EIF4G3: variants seen among roughly 807,000 people sequenced by gnomAD.
EIF4G3 encodes the protein eukaryotic translation initiation factor 4 gamma 3, also known as eIF-4-gamma 3.
A neutral mutation model predicts 186.4 loss-of-function variants in EIF4G3; 34 were observed. The ratio of observed to expected loss-of-function variants is 0.18; its 90% CI spans 0.14 to 0.24. The LOEUF is 0.24. Ranked by LOEUF, EIF4G3 falls within the 10% of genes least tolerant of loss-of-function variation. The pLI, the probability that EIF4G3 is intolerant of heterozygous loss-of-function variation, is 1.00. For missense variants in EIF4G3, 1,536 were observed against 1,948.5 expected (o/e 0.79, Z 3.99); for synonymous variants, 673 against 679.5 (o/e 0.99, Z 0.15).
intron 2 of EIF4G3, among the ~76,000 whole-genome samples, chr1:21,137,815 CAAAAA>C (rs201685410): frequency 9.7e-6 from 1 of 103,180 alleles, no homozygotes; most frequent in Admixed American, 1.1e-4. Flanking sequence ...GACCCTGTCT[CAAAAA>C]AAAAAAAAAA....
At position 20,855,101 on chromosome 1, in the gene EIF4G3, T is replaced by C. The variant is rs12095860; in HGVS notation, c.3340-30A>G. The C allele has an allele frequency of 4.7e-3, 7,075 of 1,505,694 alleles. 225 individuals are homozygous for C. The African/African-American group carries it at 0.077, about 16-fold the overall frequency. The allele number at this position is 1,505,694 out of a possible 1,614,324, so 93.3% of individuals were successfully genotyped here. A position where few individuals can be genotyped will look rare whatever the true frequency, so the allele number is the denominator to read the frequency against. ...AACATAAGGGACCACAAGTCAATTA[T>C]AGGAAATATTCTAGAAGAATAGTTT... is the stretch of plus-strand genomic sequence containing the variant. On this transcript the variant is annotated intron_variant, in intron 25 of 36. Coordinates refer to ENST00000602326, the MANE Select transcript of EIF4G3 (RefSeq NM_001391906.1).
At chr1:20,961,433 T>G (rs1038070625) in intron 12 of EIF4G3, among the ~76,000 whole-genome samples, 2 of 152,196 alleles carry the variant, frequency 1.3e-5, no homozygotes, top group African/African-American at 4.8e-5. Context: ...GTACACAGTT[T>G]CAGTGTACCC....
intron 14 of EIF4G3, among the ~76,000 whole-genome samples, chr1:20,915,811 T>G (rs1380490343): frequency 6.6e-6 from 1 of 152,188 alleles, no homozygotes. Context: ...AACAAGACAA[T>G]GTTTACTTTT....
intron 29 of EIF4G3, 116 bp downstream of exon 29, chr1:20,849,299 A>G (rs1361129732): frequency 2.0e-6 from 1 of 504,102 alleles, no homozygotes; most frequent in African/African-American, 2.0e-5. Flanking sequence ...TAGGACTTGT[A>G]TTACTCAACC....
At chr1:21,047,603 G>C (rs1017155986) in intron 4 of EIF4G3, among the ~76,000 whole-genome samples, 2 of 152,084 alleles carry the variant, frequency 1.3e-5, no homozygotes, top group African/African-American at 4.8e-5. Flanking sequence ...CTATGAAGAG[G>C]GTACTCAAGC....
At chr1:20,845,787 C>T (rs1212799139) in intron 29 of EIF4G3, among the ~76,000 whole-genome samples, 1 of 152,066 alleles carries the variant, frequency 6.6e-6, no homozygotes, top group East Asian at 1.9e-4. Context: ...TATTTGGGCT[C>T]CTTTTTTTGG....
intron 33 of EIF4G3, among the ~76,000 whole-genome samples, chr1:20,823,460 C>T (rs66644272): frequency 0.028 from 4,250 of 152,174 alleles, 89 homozygotes; most frequent in Middle Eastern, 0.051. Flanking sequence ...TATCTCACTG[C>T]AGCCTTAAAC....
chr1:20,990,919 GT>G (rs2080954873), intron 7 of EIF4G3, among the ~76,000 whole-genome samples: 1 of 152,166 alleles, frequency 6.6e-6, no homozygotes, highest in African/African-American at 2.4e-5. Flanking sequence ...CAGTATATAG[GT>G]CAGCCTACTA....
At chr1:21,146,667 G>A (rs2097448547) in intron 2 of EIF4G3, among the ~76,000 whole-genome samples, 5 of 152,078 alleles carry the variant, frequency 3.3e-5, no homozygotes, top group Admixed American at 3.3e-4. Context: ...TGAGGAAGGA[G>A]AACCACTTGA....
At chr1:20,934,744 T>C (rs1181365961) in intron 14 of EIF4G3, among the ~76,000 whole-genome samples, 1 of 152,090 alleles carries the variant, frequency 6.6e-6, no homozygotes, top group Admixed American at 6.6e-5. Context: ...GTTATAGTAC[T>C]GATTCAAGGG....
intron 3 of EIF4G3, among the ~76,000 whole-genome samples, chr1:21,083,294 T>C (rs1189167797): frequency 1.3e-5 from 2 of 152,042 alleles, no homozygotes; most frequent in Non-Finnish European, 2.9e-5. Context: ...AACTTTTAGC[T>C]GCCTAAAAAC....
chr1:20,852,201 C>T (rs1435524006), intron 27 of EIF4G3, among the ~76,000 whole-genome samples: 2 of 152,054 alleles, frequency 1.3e-5, no homozygotes, highest in African/African-American at 2.4e-5. Flanking sequence ...AGGGTTTCTC[C>T]ATGTTGGTCA....
intron 4 of EIF4G3, among the ~76,000 whole-genome samples, chr1:21,040,685 CTG>C (rs1245622602): frequency 6.6e-6 from 1 of 152,186 alleles, no homozygotes; most frequent in Non-Finnish European, 1.5e-5. Flanking sequence ...GATAATTTAA[CTG>C]TGTTGTTATT....
intron 4 of EIF4G3, among the ~76,000 whole-genome samples, chr1:21,017,860 C>T (rs754709524): frequency 6.6e-6 from 1 of 151,910 alleles, no homozygotes; most frequent in Admixed American, 6.6e-5. Flanking sequence ...ATAAGGGACA[C>T]TAGATCTGTA....
chr1:20,936,578 A>C (rs915596097), intron 14 of EIF4G3, among the ~76,000 whole-genome samples: 3 of 152,238 alleles, frequency 2.0e-5, no homozygotes, highest in African/African-American at 7.2e-5. Context: ...ATTTTAGAAT[A>C]TGTAAGTTGA....
chr1:21,000,765 C>G (rs996338711), intron 6 of EIF4G3, among the ~76,000 whole-genome samples: 67 of 152,074 alleles, frequency 4.4e-4, no homozygotes, highest in African/African-American at 1.5e-3. Context: ...GTAATGGTCA[C>G]TAGCAGAGCA....
intron 10 of EIF4G3, among the ~76,000 whole-genome samples, chr1:20,974,053 C>T (rs1269787356): frequency 6.6e-6 from 1 of 152,160 alleles, no homozygotes; most frequent in South Asian, 2.1e-4. Flanking sequence ...AGAGGTACTA[C>T]TTGCTAAGAT....
rs1558004035 is a variant in EIF4G3 at position 20,869,305 on chromosome 1, A to ATT, written c.2623-4044_2623-4043insAA. On this transcript the variant is annotated intron_variant, in intron 20 of 36. Transcript: ENST00000602326. Reference sequence around the variant, plus strand: ...GTTTCTAGAGGATAGTTTACTTTAAAATTTTTTTTTTTTTTTTTTTTTTTT... The same window carrying ATT: ...GTTTCTAGAGGATAGTTTACTTTAAATTATTTTTTTTTTTTTTTTTTTTTTTT... Among the ~76,000 whole-genome samples the ATT allele has an allele frequency of 2.2e-4, 33 of 146,674 alleles. 1 individual carries two copies. In the East Asian group the frequency reaches 5.6e-3, roughly 25 times the overall value.
intron 2 of EIF4G3, among the ~76,000 whole-genome samples, chr1:21,125,762 A>T (rs9426730): frequency 0.39 from 54,892 of 142,344 alleles, 10,680 homozygotes; most frequent in Non-Finnish European, 0.42. Context: ...TAATTTTTTT[A>T]TATATATATA....
Sources: gnomAD v4.1 joint callset for allele counts (sites outside exome capture counted in the v4.1 genomes callset) on GRCh38, gnomAD v4.1.1 for gene constraint, MANE v1.5 for transcripts, NCBI Gene and HGNC (gene_info 2026-07-23, HGNC 2026-07-21) for gene names.